Variants in SNX31 observed in about 807,000 individuals in gnomAD.
The protein encoded by SNX31 is sorting nexin 31.
A neutral mutation model predicts 65.4 loss-of-function variants in SNX31; 58 were observed. That is an observed-to-expected ratio of 0.89 (90% CI 0.72 to 1.10). The LOEUF is 1.10. Among genes scored for constraint, SNX31 ranks in the 50% least tolerant of loss-of-function variants. The probability of loss-of-function intolerance (pLI) is 0.00; values close to 1 mark genes in which losing one functional copy is unlikely to be tolerated. For synonymous variants in SNX31, 181 were observed against 190.1 expected (o/e 0.95, Z 0.39); for missense variants, 523 against 529.7 (o/e 0.99, Z 0.12).
intron 8 of SNX31, among the ~76,000 whole-genome samples, chr8:100,601,371 AG>A (rs1450472399): frequency 1.3e-5 from 2 of 152,252 alleles, no homozygotes; most frequent in Non-Finnish European, 2.9e-5. Flanking sequence ...CAAATTGCCA[AG>A]TAAGAGTCTA....
In SNX31 at chr8:100,635,935, TC is replaced by T. The variant is rs1250749874; in HGVS notation, c.217del (p.Asp73MetfsTer14). ...YYLAMTTAMA[D>X]ERRDQLEQYL... The stretch of plus-strand genomic sequence containing the variant: ...TTGTTCCAGTTGGTCCCTCCTCTCA[TC>T]AGCCATAGCTGTGGTCATTGCCAGA... On this transcript the variant is annotated frameshift_variant, in exon 3 of 14. Transcript: ENST00000311812. LOFTEE classifies it high-confidence loss of function. 3.7e-6 allele frequency: 6 copies of T among 1,614,046 alleles called. No individual in the cohort carries two copies. Among genetic ancestry groups the T allele is most frequent in the Non-Finnish European group, 5.1e-6 (6 of 1,180,006 alleles).
intron 2 of SNX31, 60 bp downstream of exon 2, chr8:100,649,214 G>T: frequency 1.9e-6 from 3 of 1,558,226 alleles, no homozygotes; most frequent in Non-Finnish European, 2.7e-6. Flanking sequence ...GAGCGCTTTG[G>T]GGACAGCTTT....
At chr8:100,645,200 A>G (rs766660990) in intron 2 of SNX31, among the ~76,000 whole-genome samples, 2 of 152,268 alleles carry the variant, frequency 1.3e-5, no homozygotes, top group Non-Finnish European at 2.9e-5. Flanking sequence ...TCAGTTAATT[A>G]TATAGAAGAA....
intron 1 of SNX31, among the ~76,000 whole-genome samples, chr8:100,661,067 G>A (rs113874734): frequency 3.3e-4 from 49 of 148,650 alleles, no homozygotes; most frequent in African/African-American, 1.1e-3. Context: ...GTGCAGTGGC[G>A]TGATCTCGGC....
At chr8:100,657,109 G>T (rs1218694652) in intron 1 of SNX31, among the ~76,000 whole-genome samples, 1 of 152,076 alleles carries the variant, frequency 6.6e-6, no homozygotes, top group East Asian at 1.9e-4. Context: ...TTTAAAAAAT[G>T]AGGAGGGAAA....
Position 100,617,715 on chromosome 8 carries a change from C to T in SNX31, c.337G>A (p.Ala113Thr), listed in dbSNP as rs147420833. 1.0e-4 allele frequency: 165 copies of T among 1,610,956 alleles called. No individual in the cohort carries two copies. The highest frequency in any genetic ancestry group is 6.7e-4 in the Middle Eastern group (4 of 6,012). The change falls in exon 5 of 14, where the codon GCC (alanine) becomes ACC (threonine). Residue 113 changes from alanine to threonine, a missense_variant. Ala to Thr is a moderately conservative substitution (Grantham distance 58, BLOSUM62 0). Coordinates refer to ENST00000311812, the MANE Select transcript of SNX31 (RefSeq NM_152628.4). ...ATGTCCAGATAAGCTTTCTTGGTGG[C>T]GATGTCAAATGTATTCTATAAGCAA... ...KLAQLNTFDI[A>T]TKKAYLDIFL... is the part of the protein sequence containing the mutation.
chr8:100,631,817 G>C (rs1044940648), intron 3 of SNX31, among the ~76,000 whole-genome samples: 8 of 152,102 alleles, frequency 5.3e-5, no homozygotes, highest in African/African-American at 1.9e-4. Flanking sequence ...ATTATTTTCT[G>C]CAATGGGGCA....
At chr8:100,602,378 C>T (rs1166731796) in intron 8 of SNX31, among the ~76,000 whole-genome samples, 5 of 152,116 alleles carry the variant, frequency 3.3e-5, no homozygotes, top group Non-Finnish European at 7.4e-5. Context: ...TGTTTTAGAT[C>T]GACTTTATCA....
At chr8:100,581,730 T>C (rs564716666) in intron 12 of SNX31, among the ~76,000 whole-genome samples, 97 of 152,282 alleles carry the variant, frequency 6.4e-4, no homozygotes, top group Admixed American at 1.2e-3. Flanking sequence ...CTATAAGTGC[T>C]ATGTGTCAGT....
At chr8:100,577,145 A>G (rs1248571650) in intron 12 of SNX31, 70 bp from the exon 13 acceptor site, 2 of 1,317,066 alleles carry the variant, frequency 1.5e-6, no homozygotes, top group African/African-American at 2.9e-5. Flanking sequence ...CTATTTAACT[A>G]GCACACTTTC....
At chr8:100,611,003 G>A (rs1816665236) in intron 7 of SNX31, among the ~76,000 whole-genome samples, 1 of 152,208 alleles carries the variant, frequency 6.6e-6, no homozygotes, top group Non-Finnish European at 1.5e-5. Context: ...GGGTGCATAA[G>A]GTCCTGCTGC....
chr8:100,589,794 C>T (rs1305330335), intron 10 of SNX31, among the ~76,000 whole-genome samples: 1 of 152,230 alleles, frequency 6.6e-6, no homozygotes, highest in Non-Finnish European at 1.5e-5. Flanking sequence ...CAGCATCCAT[C>T]ATTCTTTTTC....
chr8:100,602,431 G>C (rs566668603), intron 8 of SNX31, among the ~76,000 whole-genome samples: 24 of 152,130 alleles, frequency 1.6e-4, no homozygotes, highest in Non-Finnish European at 2.9e-4. Context: ...ATCCTCAGGG[G>C]ACACTATCCA....
chr8:100,615,914 C>T (rs1020360170), intron 5 of SNX31, among the ~76,000 whole-genome samples: 5 of 152,184 alleles, frequency 3.3e-5, no homozygotes, highest in East Asian at 1.9e-4. Flanking sequence ...GGACTACAGG[C>T]ACCCGCCACC....
intron 5 of SNX31, among the ~76,000 whole-genome samples, chr8:100,616,195 A>G (rs953592977): frequency 4.6e-5 from 7 of 152,202 alleles, no homozygotes; most frequent in Non-Finnish European, 8.8e-5. Flanking sequence ...CATGACTGTA[A>G]TTTGAATCCA....
intron 12 of SNX31, among the ~76,000 whole-genome samples, chr8:100,579,522 T>C (rs1813316657): frequency 6.6e-6 from 1 of 152,232 alleles, no homozygotes; most frequent in South Asian, 2.1e-4. Context: ...ATACACAGTT[T>C]TTCCATTTTC....
At chr8:100,620,335 C>A (rs1817595655) in intron 4 of SNX31, among the ~76,000 whole-genome samples, 2 of 152,218 alleles carry the variant, frequency 1.3e-5, no homozygotes, top group Non-Finnish European at 2.9e-5. Flanking sequence ...TTCACAGGGA[C>A]CTGGGGAGCC....
chr8:100,583,175 T>G (rs1813710486), intron 12 of SNX31, among the ~76,000 whole-genome samples: 1 of 151,760 alleles, frequency 6.6e-6, no homozygotes, highest in Non-Finnish European at 1.5e-5. Context: ...GGTGTCATCT[T>G]GGCTCACTGC....
intron 1 of SNX31, among the ~76,000 whole-genome samples, chr8:100,656,360 C>A (rs2131313831): frequency 6.6e-6 from 1 of 152,060 alleles, no homozygotes; most frequent in East Asian, 1.9e-4. Flanking sequence ...ATAAAAACAG[C>A]CAGACATGGT....
Sources: allele counts gnomAD v4.1 joint callset (sites outside exome capture counted in the v4.1 genomes callset), GRCh38; gene constraint gnomAD v4.1.1; transcripts MANE v1.5; gene names NCBI Gene and HGNC (gene_info 2026-07-23, HGNC 2026-07-21).